WDR11: variants seen among roughly 807,000 people sequenced by gnomAD.
The protein encoded by WDR11 is WD repeat-containing protein 11.
WDR11 carries 83 observed loss-of-function variants against 151.2 expected under a neutral mutation model. The ratio of observed to expected loss-of-function variants is 0.55; its 90% CI spans 0.46 to 0.66. The LOEUF (loss-of-function observed/expected upper bound fraction) is 0.66, where lower values mean the gene tolerates loss of function less well. WDR11 is among the 30% of genes least tolerant of loss of function. The pLI is 0.00. For synonymous variants in WDR11, 484 were observed against 533.1 expected (o/e 0.91, Z 1.27); for missense variants, 1,301 against 1,480.9 (o/e 0.88, Z 1.99).
chr10:120,890,773 G>T lies in WDR11; in HGVS notation c.2401G>T (p.Val801Leu), dbSNP rs1847405923. ...AAATGTGACCTTTCGTATATTGGAT[G>T]TGGACTGGTGTACGTCAGATAAAGT... ...GRNVTFRILDVDWCTSDKVIL... is the reference protein window; with the variant it reads ...GRNVTFRILDLDWCTSDKVIL... Residue 801 changes from valine (V) to leucine (L), a missense_variant, in exon 19 of 29, where the codon GTG (valine) becomes TTG (leucine). Val to Leu is a conservative substitution (Grantham distance 32, BLOSUM62 1). Transcript: ENST00000263461. 2 of 1,614,104 alleles carry T rather than the reference G, an allele frequency of 1.2e-6. No individual in the cohort carries two copies. The highest frequency in any genetic ancestry group is 1.7e-6 in the Non-Finnish European group (2 of 1,180,058).
chr10:120,856,076 A>G (rs1475734447), intron 2 of WDR11: 2 of 151,902 alleles, frequency 1.3e-5, no homozygotes, highest in African/African-American at 4.8e-5. Context: ...TTATTTCTTT[A>G]TGTAGGTCCA....
chr10:120,852,675 T>G, intron 2 of WDR11, 40 bp downstream of exon 2: 4 of 1,541,064 alleles, frequency 2.6e-6, no homozygotes, highest in African/African-American at 1.4e-5. Flanking sequence ...TGTTGTCTAG[T>G]CTAAAGTTTA....
At chr10:120,885,271 GTATA>G (rs148015588) in intron 14 of WDR11, 10,058 of 146,504 alleles carry the variant, frequency 0.069, 308 homozygotes, top group South Asian at 0.1. Context: ...ACAGGATGAA[GTATA>G]TATATATATA....
rs759428658 is a variant in WDR11, at chr10:120,873,858, C to G, written c.1491C>G (p.Val497=). The part of the protein sequence containing the change: ...LLAVGTSNGS[V]LVYHLTSGLL... ...TGAAAGGTACAAGTAATGGTTCTGT[C>G]CTGGTGTACCATCTCACCAGTGGTC... Residue 497 remains valine, a synonymous_variant, in exon 11 of 29, where the codon GTC becomes GTG. Coordinates refer to ENST00000263461, the MANE Select transcript of WDR11 (RefSeq NM_018117.12). The G allele has an allele frequency of 6.2e-7, 1 of 1,612,472 alleles. No homozygotes were observed. Among genetic ancestry groups the G allele is most frequent in the Non-Finnish European group, 8.5e-7 (1 of 1,178,598 alleles).
intron 21 of WDR11, among the ~76,000 whole-genome samples, chr10:120,901,857 TTAGA>T (rs2133810839): frequency 6.6e-6 from 1 of 152,368 alleles, no homozygotes; most frequent in South Asian, 2.1e-4. Flanking sequence ...CCATTCTTCC[TTAGA>T]TACTTTATTT....
intron 14 of WDR11, among the ~76,000 whole-genome samples, chr10:120,885,310 C>T (rs61875077): frequency 2.0e-5 from 3 of 147,556 alleles, no homozygotes; most frequent in Non-Finnish European, 3.0e-5. Context: ...CACACACACA[C>T]ATATAAACAC....
intron 23 of WDR11, 77 bp from the exon 24 acceptor site, chr10:120,903,970 T>G: frequency 1.0e-6 from 1 of 966,572 alleles, no homozygotes; most frequent in Non-Finnish European, 1.6e-6. Context: ...AAAATGATCT[T>G]ATTAAGTACA....
intron 19 of WDR11, among the ~76,000 whole-genome samples, chr10:120,893,182 A>G (rs1847485905): frequency 8.5e-6 from 1 of 117,678 alleles, no homozygotes; most frequent in African/African-American, 3.3e-5. Flanking sequence ...ACCCCACAAC[A>G]GTCCCAGGTG....
chr10:120,880,616 G>T, intron 12 of WDR11: 2 of 496,018 alleles, frequency 4.0e-6, no homozygotes, highest in Non-Finnish European at 3.6e-6. Context: ...CCAAGATTGC[G>T]CCATTGCACT....
chr10:120,863,375 G>A (rs987296807), intron 5 of WDR11, among the ~76,000 whole-genome samples: 1 of 152,164 alleles, frequency 6.6e-6, no homozygotes, highest in Non-Finnish European at 1.5e-5. Context: ...CCAAGGCTCC[G>A]GGGGAAGCTT....
chr10:120,860,210 C>G lies in WDR11; in HGVS notation c.454C>G (p.Leu152Val). The change falls in exon 4 of 29, where the codon CTA becomes GTA. Residue 152 changes from leucine to valine, a missense_variant. Leu to Val is a conservative substitution (Grantham distance 32). This residue lies in a region of WDR11 where 692 missense variants were observed against 762.5 expected (regional missense o/e 0.91). Coordinates refer to ENST00000263461, the MANE Select transcript of WDR11 (RefSeq NM_018117.12). ...CTGGAATGCCGACACTGGCACCAAA[C>G]TATGGAAGAAGAGCTATGCAGATAA... ...VLWNADTGTK[L>V]WKKSYADNIL... is the part of the protein sequence containing the mutation. The G allele has an allele frequency of 6.2e-7, 1 of 1,614,176 alleles. No individual in the cohort carries two copies. Among genetic ancestry groups the G allele is most frequent in the South Asian group, 1.1e-5 (1 of 91,080 alleles).
intron 11 of WDR11, 38 bp downstream of exon 11, chr10:120,873,961 A>T: frequency 7.1e-7 from 1 of 1,416,124 alleles, no homozygotes; most frequent in Non-Finnish European, 1.0e-6. Context: ...CACAAACATC[A>T]TATCAGAAAA....
intron 8 of WDR11, 23 bp downstream of exon 8, chr10:120,866,787 G>C (rs1846329905): frequency 6.2e-7 from 1 of 1,613,454 alleles, no homozygotes; most frequent in Admixed American, 1.7e-5. Flanking sequence ...ACAGGATCAT[G>C]GTTTTGTTTT....
At position 120,862,499 on chromosome 10, in the gene WDR11, T is replaced by C. The variant is rs867904604; in HGVS notation, c.527-236T>C. ...TCTTTCTGCCAATAACCTTATGTTATCTTTTTAATATAAGACATAATATAG... is the reference window on the plus strand; with the variant it reads ...TCTTTCTGCCAATAACCTTATGTTACCTTTTTAATATAAGACATAATATAG... On this transcript the variant is annotated intron_variant, in intron 4 of 28. Transcript: ENST00000263461. 16 of 429,310 alleles carry C rather than the reference T, an allele frequency of 3.7e-5. No individual in the cohort carries two copies. In the South Asian group the frequency reaches 4.5e-4, roughly 12 times the overall value. The allele number at this position is 429,310 out of a possible 1,614,324, so 26.6% of individuals were successfully genotyped here.
intron 19 of WDR11, among the ~76,000 whole-genome samples, chr10:120,892,996 C>T (rs1244887902): frequency 6.6e-6 from 1 of 151,576 alleles, no homozygotes; most frequent in African/African-American, 2.4e-5. Context: ...TAATTTCCTC[C>T]CCAGTGTTTT....
chr10:120,872,482 G>A (rs1369045441), intron 10 of WDR11, among the ~76,000 whole-genome samples: 2 of 152,096 alleles, frequency 1.3e-5, no homozygotes, highest in Non-Finnish European at 2.9e-5. Context: ...TAAGAGCTAT[G>A]GCAAGGTCTG....
At chr10:120,888,294 C>T (rs956576435) in intron 16 of WDR11, among the ~76,000 whole-genome samples, 2 of 152,178 alleles carry the variant, frequency 1.3e-5, no homozygotes, top group African/African-American at 2.4e-5. Flanking sequence ...TGAACTTACC[C>T]TACTTTATGG....
Position 120,871,268 on chromosome 10 carries a change from G to A in WDR11, c.1393G>A (p.Ala465Thr), listed in dbSNP as rs771519922. The A allele has an allele frequency of 1.9e-5, 30 of 1,613,894 alleles. No homozygotes were observed. The highest frequency in any genetic ancestry group is 1.8e-4 in the South Asian group (16 of 91,078). The change falls in exon 10 of 29, where the codon GCA (alanine) becomes ACA (threonine). Residue 465 changes from alanine to threonine, a missense_variant. By Grantham distance (58) the Ala-to-Thr change is moderately conservative (BLOSUM62 0). Around this residue, in one of 3 missense-constraint regions of WDR11, gnomAD observed 692 missense variants for 762.5 expected, o/e 0.91. Transcript: ENST00000263461. ...LLTGLLSGLP[A>T]PQFAIRMCPP... ...GACGGGACTGCTTTCAGGACTGCCC[G>A]CACCACAGTTTGCTATTCGTATGTG... is the stretch of plus-strand genomic sequence containing the variant.
At chr10:120,908,514 T>A (rs1564728984) in intron 28 of WDR11, 42 bp from the exon 29 acceptor site, 1 of 1,609,622 alleles carries the variant, frequency 6.2e-7, no homozygotes, top group Non-Finnish European at 8.5e-7. Context: ...AAGAGTCTCA[T>A]CACAGCCCTT....
Sources: gnomAD v4.1 joint callset for allele counts (sites outside exome capture counted in the v4.1 genomes callset) on GRCh38, gnomAD v4.1.1 for gene constraint, gnomAD v4.1.1 regional missense constraint, MANE v1.5 for transcripts, NCBI Gene and HGNC (gene_info 2026-07-23, HGNC 2026-07-21) for gene names.